Variants in C1orf159 observed in about 807,000 individuals in gnomAD.
The protein encoded by C1orf159 is chromosome 1 open reading frame 159.
In C1orf159, 19 loss-of-function variants were observed where a neutral mutation model predicts 25.6. The ratio of observed to expected loss-of-function variants is 0.74; its 90% CI spans 0.52 to 1.09. The LOEUF is 1.09. Ranked by LOEUF, C1orf159 falls within the 50% of genes least tolerant of loss-of-function variation. The pLI is 0.00. For missense variants in C1orf159, 274 were observed against 290.6 expected, an observed-to-expected ratio of 0.94 and a Z score of 0.42; for synonymous variants, 139 against 124.7, an observed-to-expected ratio of 1.12 and a Z score of -0.77.
At chr1:1,104,614 G>A (rs1432281307) in intron 1 of C1orf159, among the ~76,000 whole-genome samples, 2 of 152,196 alleles carry the variant, frequency 1.3e-5, no homozygotes, top group Non-Finnish European at 2.9e-5. Flanking sequence ...TTGCTTCCCA[G>A]GTGCTCAACT....
At chr1:1,115,988 G>A (rs1018713437) in intron 1 of C1orf159, 72 bp downstream of exon 1, 1 of 151,788 alleles carries the variant, frequency 6.6e-6, no homozygotes, top group Admixed American at 6.6e-5. Flanking sequence ...TCCCTGCGCC[G>A]ACCCGGCCGC....
intron 9 of C1orf159, chr1:1,083,839 T>G: frequency 7.4e-7 from 1 of 1,358,390 alleles, no homozygotes; most frequent in Non-Finnish European, 1.0e-6. Flanking sequence ...GCCCTGCTCA[T>G]GGCCTTGGAG....
chr1:1,082,282 C>T lies in C1orf159; in HGVS notation c.*611G>A, dbSNP rs1645754710. ...CTTAAAAACAGAGATCAAGAGGAAGCTCTATCCTGCAGCTCCGGAAATGGG... is the reference window on the plus strand; with the variant it reads ...CTTAAAAACAGAGATCAAGAGGAAGTTCTATCCTGCAGCTCCGGAAATGGG... On this transcript the variant is annotated 3_prime_UTR_variant, in exon 10 of 10. Transcript: ENST00000421241. The T allele has an allele frequency of 1.9e-5, 3 of 155,082 alleles. No individual in the cohort carries two copies. Among genetic ancestry groups the T allele is most frequent in the Admixed American group, 1.3e-4 (2 of 15,928 alleles). The allele number at this position is 155,082 out of a possible 1,614,324, so 9.6% of individuals were successfully genotyped here. A position where few individuals can be genotyped will look rare whatever the true frequency, so the allele number is the denominator to read the frequency against.
chr1:1,090,340 C>A lies in C1orf159; in HGVS notation c.148+13G>T. ...GGGCCGGTCTGGAATCTGCTTGGGA[C>A]AAAGCGGCTTACCTGGACCACACAG... On this transcript the variant is annotated intron_variant, in intron 4 of 9. Coordinates refer to ENST00000421241, the MANE Select transcript of C1orf159 (RefSeq NM_017891.5). The A allele has an allele frequency of 6.4e-7, 1 of 1,550,488 alleles. No homozygotes were observed. Among genetic ancestry groups the A allele is most frequent in the South Asian group, 1.2e-5 (1 of 84,060 alleles).
chr1:1,099,333 G>A (rs1196286591), intron 1 of C1orf159, among the ~76,000 whole-genome samples: 1 of 137,618 alleles, frequency 7.3e-6, no homozygotes, highest in Admixed American at 7.1e-5. Context: ...GAGACAGAGA[G>A]GTTACAATCT....
chr1:1,086,250 TTC>T (rs1166742789), intron 6 of C1orf159, among the ~76,000 whole-genome samples: 2 of 152,242 alleles, frequency 1.3e-5, no homozygotes, highest in Admixed American at 6.5e-5. Context: ...CGGCCTCAGC[TTC>T]TCTCAGGAGC....
Position 1,110,244 on chromosome 1 carries a change from A to G in C1orf159, c.-136+5816T>C, listed in dbSNP as rs915416746. 6.6e-6 allele frequency among the ~76,000 whole-genome samples: 1 copy of G among 152,144 alleles called. No individual in the cohort carries two copies. Among genetic ancestry groups the G allele is most frequent in the African/African-American group, 2.4e-5 (1 of 41,418 alleles). On this transcript the variant is annotated intron_variant, in intron 1 of 9. Coordinates refer to ENST00000421241, the MANE Select transcript of C1orf159 (RefSeq NM_017891.5). The surrounding 1 kb of genome is among the most constrained non-coding windows in gnomAD (Gnocchi z 4.8). ...TATAACCAGGTGTGTCCAACCTCCC[A>G]TCCTTTTATGGCCGGAAACTCAATT...
chr1:1,094,615 T>A (rs1282357424), intron 1 of C1orf159, among the ~76,000 whole-genome samples: 3 of 152,194 alleles, frequency 2.0e-5, no homozygotes, highest in African/African-American at 7.2e-5. Context: ...TTGGCCAGGA[T>A]GGTCTCGATC....
At chr1:1,085,750 G>A (rs1466997478) in intron 7 of C1orf159, 128 bp downstream of exon 7, 3 of 1,234,960 alleles carry the variant, frequency 2.4e-6, no homozygotes, top group Non-Finnish European at 3.3e-6. Context: ...CACAGGACAG[G>A]CCCTGCTCCC....
rs766669493 is a variant in C1orf159 at position 1,085,864 on chromosome 1, G to C, written c.445+14C>G. On this transcript the variant is annotated intron_variant, in intron 7 of 9. Coordinates refer to ENST00000421241, the MANE Select transcript of C1orf159 (RefSeq NM_017891.5). ...TGTGCCCTCCCGTGGGGCAGGTGCT[G>C]GTCCGGGAGATACCTTTGTTTCTTC... 1.2e-6 allele frequency: 2 copies of C among 1,612,748 alleles called. No homozygotes were observed. The highest frequency in any genetic ancestry group is 1.6e-4 in the Middle Eastern group (1 of 6,062).
intron 3 of C1orf159, chr1:1,091,093 A>G: frequency 3.3e-6 from 3 of 910,250 alleles, no homozygotes; most frequent in Non-Finnish European, 5.0e-6. Context: ...CCCAGCCAGG[A>G]CAGTGAGGGG....
intron 1 of C1orf159, among the ~76,000 whole-genome samples, chr1:1,113,380 C>T (rs915084092): frequency 1.3e-5 from 2 of 152,216 alleles, no homozygotes; most frequent in Non-Finnish European, 2.9e-5. Flanking sequence ...CCTCGGCACA[C>T]GCAACCCTCA....
chr1:1,085,181 C>T, intron 7 of C1orf159: 2 of 327,642 alleles, frequency 6.1e-6, no homozygotes, highest in Non-Finnish European at 1.3e-5. Context: ...CTCACAGCAG[C>T]CAGGTGGGGC....
In C1orf159 at chr1:1,112,079, G is replaced by A. The variant is rs1002782480; in HGVS notation, c.-136+3981C>T. Among the ~76,000 whole-genome samples the A allele has an allele frequency of 5.9e-5, 9 of 152,316 alleles. No individual in the cohort carries two copies. In the South Asian group the frequency reaches 6.2e-4, roughly 11 times the overall value. ...CAGCAGACGTGAGCAGGGCAGGATC[G>A]GGCCCATCCCCCCACCGGGAATGTC... On this transcript the variant is annotated intron_variant, in intron 1 of 9. Coordinates refer to ENST00000421241, the MANE Select transcript of C1orf159 (RefSeq NM_017891.5).
At chr1:1,108,800 A>G (rs1397674348) in intron 1 of C1orf159, among the ~76,000 whole-genome samples, 1 of 84,794 alleles carries the variant, frequency 1.2e-5, no homozygotes, top group Middle Eastern at 7.7e-3. Context: ...CGTTCACCAC[A>G]GCCACCATGT....
At chr1:1,088,827 C>T (rs1048924851) in intron 4 of C1orf159, among the ~76,000 whole-genome samples, 2 of 152,132 alleles carry the variant, frequency 1.3e-5, no homozygotes, top group African/African-American at 4.8e-5. Flanking sequence ...CCTGAGACCC[C>T]GGCACGGTTG....
In C1orf159 at chr1:1,087,011, C is replaced by T; in HGVS notation, c.310+128G>A. On this transcript the variant is annotated intron_variant, in intron 6 of 9. Coordinates refer to ENST00000421241, the MANE Select transcript of C1orf159 (RefSeq NM_017891.5). This position sits in a 1 kb window ranked among gnomAD's most constrained non-coding sequence, Gnocchi z 8.3. Reference sequence around the variant, plus strand: ...CCCAAGCTGCAGGGGCTGCCACGCTCCCCTCTGGCTGTTTTGCAGAACCCT... The same window carrying T: ...CCCAAGCTGCAGGGGCTGCCACGCTTCCCTCTGGCTGTTTTGCAGAACCCT... The T allele has an allele frequency of 1.1e-6, 1 of 949,026 alleles. No homozygotes were observed. Among genetic ancestry groups the T allele is most frequent in the Non-Finnish European group, 1.6e-6 (1 of 628,428 alleles). 58.8% of individuals were successfully genotyped at this position (949,026 alleles called of 1,614,324 possible). A position where few individuals can be genotyped will look rare whatever the true frequency, so the allele number is the denominator to read the frequency against.
At chr1:1,104,876 C>A (rs1570331454) in intron 1 of C1orf159, among the ~76,000 whole-genome samples, 2 of 152,248 alleles carry the variant, frequency 1.3e-5, no homozygotes, top group Middle Eastern at 6.8e-3. Flanking sequence ...AAGGATAAGT[C>A]TTTTTGTGCT....
chr1:1,083,070 CT>C, intron 9 of C1orf159, 83 bp from the exon 10 acceptor site: 2 of 1,217,376 alleles, frequency 1.6e-6, no homozygotes, highest in Non-Finnish European at 2.3e-6. Flanking sequence ...ACCGGAGGCT[CT>C]CGGGAGTGGG....
Sources: gnomAD v4.1 joint callset for allele counts (sites outside exome capture counted in the v4.1 genomes callset) on GRCh38, gnomAD v4.1.1 for gene constraint, Gnocchi (gnomAD v3.1) non-coding constraint, MANE v1.5 for transcripts, NCBI Gene and HGNC (gene_info 2026-07-23, HGNC 2026-07-21) for gene names.